The following ADK variants were observed in gnomAD, a reference collection of about 807,000 sequenced individuals.
The protein encoded by ADK is N6,N6-dimethyladenosine kinase.
In ADK, 24 loss-of-function variants were observed where a neutral mutation model predicts 44.7. That is an observed-to-expected ratio of 0.54 (90% confidence interval 0.39 to 0.76). The LOEUF (loss-of-function observed/expected upper bound fraction) is 0.76. Among genes scored for constraint, ADK ranks in the 30% least tolerant of loss-of-function variants. ADK has a pLI of 0.00. For missense variants in ADK, 321 were observed against 425.1 expected (o/e 0.76, Z 2.15); for synonymous variants, 128 against 142.6 (o/e 0.90, Z 0.73).
chr10:74,353,858 A>G (rs1429892374), intron 4 of ADK, among the ~76,000 whole-genome samples: 1 of 152,022 alleles, frequency 6.6e-6, no homozygotes, highest in Non-Finnish European at 1.5e-5. Context: ...ACAGAGCGAG[A>G]CTCTGTTTCA....
At chr10:74,262,461 C>T (rs1564622763) in intron 3 of ADK, among the ~76,000 whole-genome samples, 1 of 152,056 alleles carries the variant, frequency 6.6e-6, no homozygotes, top group African/African-American at 2.4e-5. Context: ...GCAGGGAAGG[C>T]AAGGAGAGGA....
intron 9 of ADK, among the ~76,000 whole-genome samples, chr10:74,664,003 T>C (rs1476760805): frequency 6.6e-6 from 1 of 152,192 alleles, no homozygotes; most frequent in African/African-American, 2.4e-5. Flanking sequence ...TTTCCTTCTA[T>C]CAGTTCTCTC....
At chr10:74,273,210 C>T (rs1237645407) in intron 3 of ADK, among the ~76,000 whole-genome samples, 1 of 152,068 alleles carries the variant, frequency 6.6e-6, no homozygotes, top group Non-Finnish European at 1.5e-5. Flanking sequence ...CTGTCAGCTC[C>T]TTCAGGCTCT....
chr10:74,576,505 C>A (rs1898054), intron 7 of ADK, among the ~76,000 whole-genome samples: 1 of 151,990 alleles, frequency 6.6e-6, no homozygotes, highest in African/African-American at 2.4e-5. Flanking sequence ...ATAAATATTT[C>A]TAAATGTTAC....
intron 4 of ADK, among the ~76,000 whole-genome samples, chr10:74,327,364 T>G (rs1222559993): frequency 6.6e-6 from 1 of 152,216 alleles, no homozygotes; most frequent in African/African-American, 2.4e-5. Context: ...GAAAATATAA[T>G]CTATGATTTT....
intron 3 of ADK, among the ~76,000 whole-genome samples, chr10:74,288,534 C>T (rs960224897): frequency 6.6e-6 from 1 of 152,190 alleles, no homozygotes; most frequent in East Asian, 1.9e-4. Context: ...CCTATAATCC[C>T]AGCTACTCTG....
intron 4 of ADK, among the ~76,000 whole-genome samples, chr10:74,362,013 G>A (rs1402956545): frequency 1.3e-5 from 2 of 152,082 alleles, no homozygotes; most frequent in African/African-American, 4.8e-5. Context: ...TTTGACCTTT[G>A]TGAGTTTGAT....
chr10:74,449,705 G>A (rs1044889011), intron 6 of ADK, among the ~76,000 whole-genome samples: 10 of 152,014 alleles, frequency 6.6e-5, no homozygotes, highest in African/African-American at 2.4e-4. Flanking sequence ...TAGAAGAAGT[G>A]GAACATGGAT....
intron 6 of ADK, among the ~76,000 whole-genome samples, chr10:74,442,011 G>T (rs1643179429): frequency 6.6e-6 from 1 of 152,020 alleles, no homozygotes; most frequent in South Asian, 2.1e-4. Context: ...GCTGGGTTCA[G>T]TGGTGGTGGT....
At chr10:74,251,737 G>C (rs547085638) in intron 3 of ADK, among the ~76,000 whole-genome samples, 3 of 152,008 alleles carry the variant, frequency 2.0e-5, no homozygotes, top group Non-Finnish European at 4.4e-5. Flanking sequence ...GAACATAAGA[G>C]TTGTAATGAA....
At chr10:74,353,161 A>C (rs1842021767) in intron 4 of ADK, among the ~76,000 whole-genome samples, 1 of 152,176 alleles carries the variant, frequency 6.6e-6, no homozygotes, top group South Asian at 2.1e-4. Flanking sequence ...CTTAGAACCA[A>C]CCTGATGCCC....
rs939076129 is a variant in ADK at position 74,351,752 on chromosome 10, A to G, written c.273+37007A>G. On this transcript the variant is annotated intron_variant, in intron 4 of 10. Transcript: ENST00000539909. The stretch of plus-strand genomic sequence containing the variant: ...ACAAAATCAATATGCAGAAATCACA[A>G]GCATTTCTATACATCAATAATAGAC... 3.3e-5 allele frequency among the ~76,000 whole-genome samples: 5 copies of G among 152,294 alleles called. No homozygotes were observed. In the South Asian group the frequency reaches 8.3e-4, roughly 25 times the overall value.
chr10:74,290,733 T>C (rs1259614158), intron 3 of ADK, among the ~76,000 whole-genome samples: 2 of 152,238 alleles, frequency 1.3e-5, no homozygotes, highest in Non-Finnish European at 2.9e-5. Flanking sequence ...TGTGTTACTT[T>C]TTAAATGTTT....
intron 1 of ADK, among the ~76,000 whole-genome samples, chr10:74,170,695 G>T (rs1432334454): frequency 6.6e-6 from 1 of 151,392 alleles, no homozygotes; most frequent in Non-Finnish European, 1.5e-5. Flanking sequence ...AGCTACTCGG[G>T]AGGCTGAGGC....
intron 9 of ADK, among the ~76,000 whole-genome samples, chr10:74,608,041 T>A (rs1852396332): frequency 6.6e-6 from 1 of 151,742 alleles, no homozygotes; most frequent in African/African-American, 2.4e-5. Flanking sequence ...TATTTGTGTA[T>A]GCTTCACGAA....
Position 74,187,850 on chromosome 10 carries a change from T to G in ADK, c.66-12914T>G, listed in dbSNP as rs376417060. On this transcript the variant is annotated intron_variant, in intron 1 of 10. Transcript: ENST00000539909. The stretch of plus-strand genomic sequence containing the variant: ...ATTGATTAGATAGCTGTGGGTCTTT[T>G]CTTGGATTTGTTCTATTCTGTTGAT... Among the ~76,000 whole-genome samples, 62 of 152,316 alleles carry G rather than the reference T, an allele frequency of 4.1e-4. 1 individual carries two copies. The Middle Eastern group carries it at 0.01, about 25-fold the overall frequency.
intron 6 of ADK, among the ~76,000 whole-genome samples, chr10:74,498,376 T>C (rs1025009452): frequency 1.3e-5 from 2 of 152,198 alleles, no homozygotes; most frequent in African/African-American, 4.8e-5. Context: ...TGTTATGGAA[T>C]TCATACCAAA....
At chr10:74,458,042 A>T (rs1450061336) in intron 6 of ADK, among the ~76,000 whole-genome samples, 1 of 152,042 alleles carries the variant, frequency 6.6e-6, no homozygotes, top group East Asian at 1.9e-4. Flanking sequence ...AAATTTTAAA[A>T]AGAAAAAGAT....
At chr10:74,278,208 G>A (rs759656489) in intron 3 of ADK, among the ~76,000 whole-genome samples, 3 of 151,552 alleles carry the variant, frequency 2.0e-5, no homozygotes, top group Admixed American at 6.6e-5. Flanking sequence ...ACAAAAATTA[G>A]CCAGGCTTAG....
Sources: gnomAD v4.1 joint callset for allele counts (sites outside exome capture counted in the v4.1 genomes callset) on GRCh38, gnomAD v4.1.1 for gene constraint, MANE v1.5 for transcripts, NCBI Gene and HGNC (gene_info 2026-07-23, HGNC 2026-07-21) for gene names.